Variants in F13A1 observed in about 807,000 individuals in gnomAD.
The protein encoded by F13A1 is FSF, A subunit.
A neutral mutation model predicts 80.1 loss-of-function variants in F13A1; 47 were observed. The observed-to-expected ratio is 0.59, with a 90% CI of 0.46 to 0.75. The LOEUF (loss-of-function observed/expected upper bound fraction) is 0.75. Among genes scored for constraint, F13A1 ranks in the 30% least tolerant of loss-of-function variants. F13A1 has a pLI of 0.00. For missense variants in F13A1, 817 were observed against 930.4 expected (o/e 0.88, Z 1.59); for synonymous variants, 349 against 344.9 (o/e 1.01, Z -0.13).
intron 8 of F13A1, among the ~76,000 whole-genome samples, chr6:6,203,547 G>A (rs1298450067): frequency 6.6e-6 from 1 of 152,200 alleles, no homozygotes; most frequent in African/African-American, 2.4e-5. Flanking sequence ...TTCTACAGCT[G>A]CAAGGAACTG....
chr6:6,278,732 TG>T (rs1419815006), intron 3 of F13A1, among the ~76,000 whole-genome samples: 1 of 152,066 alleles, frequency 6.6e-6, no homozygotes, highest in Admixed American at 6.5e-5. Context: ...AGGGGAATTG[TG>T]GGAGACGAGA....
In F13A1 at chr6:6,158,897, T is replaced by C. The variant is rs1055644612; in HGVS notation, c.1909-6948A>G. On this transcript the variant is annotated intron_variant, in intron 13 of 14. Coordinates refer to ENST00000264870, the MANE Select transcript of F13A1 (RefSeq NM_000129.4). The stretch of plus-strand genomic sequence containing the variant: ...TTATATCTCAAGTGGTTTCCCCTTT[T>C]TTTCTTTCTTTTTTTTTTTTTCGAG... Among the ~76,000 whole-genome samples the C allele has an allele frequency of 4.0e-5, 5 of 124,596 alleles. No homozygotes were observed. The South Asian group carries it at 8.2e-4, about 20-fold the overall frequency. 81.7% of individuals were successfully genotyped at this position (124,596 alleles called of 152,430 possible).
chr6:6,209,418 T>C lies in F13A1; in HGVS notation c.1113-12092A>G, dbSNP rs374520105. Among the ~76,000 whole-genome samples, 19 of 151,954 alleles carry C rather than the reference T, an allele frequency of 1.3e-4. No homozygotes were observed. The East Asian group carries it at 2.3e-3, about 19-fold the overall frequency. ...TAGTGGGAATACAGAATGGAGTAGC[T>C]GCTTTGGAAAACAGTTTGGCACTTC... On this transcript the variant is annotated intron_variant, in intron 8 of 14. Transcript: ENST00000264870.
chr6:6,205,267 T>C (rs891595043), intron 8 of F13A1, among the ~76,000 whole-genome samples: 5 of 152,208 alleles, frequency 3.3e-5, no homozygotes, highest in Admixed American at 1.3e-4. Context: ...GGGGTGCACT[T>C]GGACAGGTGC....
At chr6:6,265,775 G>A (rs1757834897) in intron 4 of F13A1, among the ~76,000 whole-genome samples, 1 of 152,094 alleles carries the variant, frequency 6.6e-6, no homozygotes, top group African/African-American at 2.4e-5. Flanking sequence ...TTAAAGTAGG[G>A]GGATAGAGAG....
At chr6:6,161,894 A>T (rs1176927216) in intron 13 of F13A1, among the ~76,000 whole-genome samples, 3 of 152,188 alleles carry the variant, frequency 2.0e-5, no homozygotes, top group Non-Finnish European at 4.4e-5. Context: ...GTTGACGGTG[A>T]CTTGGATTCA....
chr6:6,225,382 A>G (rs1483839184), intron 6 of F13A1, among the ~76,000 whole-genome samples: 3 of 152,156 alleles, frequency 2.0e-5, no homozygotes, highest in Non-Finnish European at 4.4e-5. Context: ...TGAGTGGTAG[A>G]CTCTAATGAA....
intron 12 of F13A1, among the ~76,000 whole-genome samples, chr6:6,172,400 A>G (rs553834949): frequency 6.6e-6 from 1 of 152,060 alleles, no homozygotes; most frequent in East Asian, 1.9e-4. Flanking sequence ...TTACTACCCT[A>G]GGAATAGGAA....
At chr6:6,203,354 G>GTAAT (rs1761430798) in intron 8 of F13A1, among the ~76,000 whole-genome samples, 1 of 152,222 alleles carries the variant, frequency 6.6e-6, no homozygotes, top group South Asian at 2.1e-4. Context: ...TTTTGCAGAA[G>GTAAT]TAATTAAGTT....
chr6:6,238,897 T>C (rs895123299), intron 6 of F13A1, among the ~76,000 whole-genome samples: 3 of 152,144 alleles, frequency 2.0e-5, no homozygotes, highest in Admixed American at 6.5e-5. Context: ...AACTCTCATA[T>C]GTTGCTGGCA....
intron 3 of F13A1, among the ~76,000 whole-genome samples, chr6:6,275,633 T>C (rs1471388316): frequency 1.3e-5 from 2 of 152,198 alleles, no homozygotes; most frequent in Admixed American, 1.3e-4. Context: ...CCTCCCAATG[T>C]GCTGGGATTA....
At chr6:6,257,463 G>C (rs1178870616) in intron 4 of F13A1, among the ~76,000 whole-genome samples, 2 of 152,168 alleles carry the variant, frequency 1.3e-5, no homozygotes, top group Non-Finnish European at 2.9e-5. Flanking sequence ...ATCAATCTAT[G>C]AAGCACAAGC....
At chr6:6,254,916 T>C (rs560940345) in intron 4 of F13A1, among the ~76,000 whole-genome samples, 6 of 152,240 alleles carry the variant, frequency 3.9e-5, no homozygotes, top group African/African-American at 1.4e-4. Context: ...TTTTCTAAAA[T>C]GTGTTTCCAT....
At chr6:6,294,656 A>G (rs992368862) in intron 3 of F13A1, among the ~76,000 whole-genome samples, 4 of 151,994 alleles carry the variant, frequency 2.6e-5, no homozygotes, top group Non-Finnish European at 5.9e-5. Flanking sequence ...CAGTAAGTCA[A>G]TCTTTGTTGG....
intron 3 of F13A1, among the ~76,000 whole-genome samples, chr6:6,289,487 T>A (rs1014303897): frequency 2.0e-4 from 30 of 151,412 alleles, no homozygotes; most frequent in African/African-American, 7.1e-4. Context: ...GTTATAGAAG[T>A]AAACATAAGT....
At chr6:6,308,347 T>C (rs374480777) in intron 2 of F13A1, among the ~76,000 whole-genome samples, 59 of 152,274 alleles carry the variant, frequency 3.9e-4, no homozygotes, top group African/African-American at 1.4e-3. Context: ...TAAGAAGTTA[T>C]TTCTAGAACT....
intron 4 of F13A1, among the ~76,000 whole-genome samples, chr6:6,253,518 G>T (rs780556988): frequency 3.9e-5 from 6 of 152,186 alleles, no homozygotes; most frequent in Non-Finnish European, 8.8e-5. Context: ...CCAGAGCAGA[G>T]GGTCTCCGGA....
chr6:6,278,923 G>A (rs1373101972), intron 3 of F13A1, among the ~76,000 whole-genome samples: 2 of 152,166 alleles, frequency 1.3e-5, no homozygotes, highest in African/African-American at 4.8e-5. Flanking sequence ...CTGCAGGAGA[G>A]CAATCAGGAT....
At chr6:6,276,806 G>A (rs915753309) in intron 3 of F13A1, among the ~76,000 whole-genome samples, 86 of 152,120 alleles carry the variant, frequency 5.7e-4, no homozygotes, top group South Asian at 2.1e-4. Context: ...ATTATTCTCC[G>A]TATTATATGG....
Sources: allele counts gnomAD v4.1 joint callset (sites outside exome capture counted in the v4.1 genomes callset), GRCh38; gene constraint gnomAD v4.1.1; transcripts MANE v1.5; gene names NCBI Gene and HGNC (gene_info 2026-07-23, HGNC 2026-07-21).